MRPL50: variants seen among roughly 807,000 people sequenced by gnomAD.
MRPL50 encodes the protein mitochondrial ribosomal protein L50.
MRPL50 carries 10 observed loss-of-function variants against 16.2 expected under a neutral mutation model. That is an observed-to-expected ratio of 0.62 (90% confidence interval 0.38 to 1.05). The LOEUF is 1.05. Among genes scored for constraint, MRPL50 ranks in the 50% least tolerant of loss-of-function variants. The pLI is 0.01. For synonymous variants in MRPL50, 68 were observed against 66.8 expected (o/e 1.02, Z -0.09); for missense variants, 213 against 187.1 (o/e 1.14, Z -0.81).
In MRPL50 at chr9:101,390,814, T is replaced by A; in HGVS notation, c.129A>T (p.Glu43Asp). The A allele has an allele frequency of 6.2e-7, 1 of 1,608,138 alleles. No individual in the cohort carries two copies. Among genetic ancestry groups the A allele is most frequent in the East Asian group, 2.2e-5 (1 of 44,840 alleles). ...ACACTAGGATAGGTTCCTTTTTCTCTTCTACTGTCTCAACAACCACTGGCT... is the reference window on the plus strand; with the variant it reads ...ACACTAGGATAGGTTCCTTTTTCTCATCTACTGTCTCAACAACCACTGGCT... ...EKEPVVVETV[E>D]EKKEPILVCP... Residue 43 changes from glutamate to aspartate, a missense_variant, in exon 2 of 2, where the codon GAA becomes GAT. Glu to Asp is a conservative substitution (Grantham distance 45). Coordinates refer to ENST00000374865, the MANE Select transcript of MRPL50 (RefSeq NM_019051.3).
chr9:101,392,588 C>T (rs1446887585), intron 1 of MRPL50, among the ~76,000 whole-genome samples: 3 of 151,624 alleles, frequency 2.0e-5, no homozygotes, highest in Non-Finnish European at 4.4e-5. Flanking sequence ...GATTGAATCA[C>T]GAAGAAAAAG....
chr9:101,391,499 T>C (rs186844484), intron 1 of MRPL50, among the ~76,000 whole-genome samples: 1 of 152,178 alleles, frequency 6.6e-6, no homozygotes, highest in Admixed American at 6.6e-5. Flanking sequence ...GAAAAAGATA[T>C]TCCATGCAAA....
chr9:101,397,448 GTT>G (rs1830369621), intron 1 of MRPL50, among the ~76,000 whole-genome samples: 1 of 152,030 alleles, frequency 6.6e-6, no homozygotes, highest in Admixed American at 6.5e-5. Flanking sequence ...ATTTCCTCTA[GTT>G]TTCTTCATAA....
intron 1 of MRPL50, among the ~76,000 whole-genome samples, chr9:101,397,972 C>A (rs907234469): frequency 2.0e-5 from 3 of 152,170 alleles, no homozygotes; most frequent in African/African-American, 7.2e-5. Flanking sequence ...CTCCTGTGGG[C>A]CTGTTTCCTC....
chr9:101,396,219 A>G (rs1420186833), intron 1 of MRPL50, among the ~76,000 whole-genome samples: 5 of 152,212 alleles, frequency 3.3e-5, no homozygotes, highest in Non-Finnish European at 7.3e-5. Context: ...TGGCATAGCC[A>G]TTATAAAAAA....
rs1830251598 is a variant in MRPL50, at chr9:101,390,237, G to C, written c.*229C>G. ...CCTCTCAAAACTTTTCATAAATAAT[G>C]ACCTAATTTCATTTAAAAAATGGTT... On this transcript the variant is annotated 3_prime_UTR_variant, in exon 2 of 2. Coordinates refer to ENST00000374865, the MANE Select transcript of MRPL50 (RefSeq NM_019051.3). The C allele has an allele frequency of 8.1e-7, 1 of 1,230,726 alleles. No individual in the cohort carries two copies. Among genetic ancestry groups the C allele is most frequent in the East Asian group, 3.7e-5 (1 of 27,104 alleles). The allele number at this position is 1,230,726 out of a possible 1,614,324, so 76.2% of individuals were successfully genotyped here.
intron 1 of MRPL50, among the ~76,000 whole-genome samples, chr9:101,398,250 A>G (rs1830391485): frequency 6.6e-6 from 1 of 152,170 alleles, no homozygotes; most frequent in South Asian, 2.1e-4. Context: ...TAATAAATAA[A>G]TGAATGAGTG....
chr9:101,395,564 A>G (rs1362755356), intron 1 of MRPL50, among the ~76,000 whole-genome samples: 1 of 152,206 alleles, frequency 6.6e-6, no homozygotes, highest in Non-Finnish European at 1.5e-5. Context: ...ACATATACTC[A>G]ATGGAATATT....
chr9:101,398,407 G>A (rs749311193), intron 1 of MRPL50, 94 bp downstream of exon 1: 6 of 1,221,174 alleles, frequency 4.9e-6, no homozygotes, highest in Non-Finnish European at 7.1e-6. Flanking sequence ...GATCAGGCGC[G>A]GGACCACGAT....
rs1830242038 is a variant in MRPL50, at chr9:101,389,479, G to T, written c.*987C>A. ...CCAACTGAATTTTGCCCTCTTCAAAGGAGTAACCCTGGGAAAGAGAATAAA... is the reference window on the plus strand; with the variant it reads ...CCAACTGAATTTTGCCCTCTTCAAATGAGTAACCCTGGGAAAGAGAATAAA... On this transcript the variant is annotated 3_prime_UTR_variant, in exon 2 of 2. Coordinates refer to ENST00000374865, the MANE Select transcript of MRPL50 (RefSeq NM_019051.3). 3 of 1,286,516 alleles carry T rather than the reference G, an allele frequency of 2.3e-6. No homozygotes were observed. The African/African-American group carries it at 4.6e-5, about 20-fold the overall frequency. 79.7% of individuals were successfully genotyped at this position (1,286,516 alleles called of 1,614,324 possible). A position where few individuals can be genotyped will look rare whatever the true frequency, so the allele number is the denominator to read the frequency against.
At position 101,390,151 on chromosome 9, in the gene MRPL50, T is replaced by C. The variant is rs1020523428; in HGVS notation, c.*315A>G. 9.3e-7 allele frequency: 1 copy of C among 1,070,058 alleles called. No homozygotes were observed. The highest frequency in any genetic ancestry group is 1.1e-6 in the Non-Finnish European group (1 of 883,886). The allele number at this position is 1,070,058 out of a possible 1,614,324, so 66.3% of individuals were successfully genotyped here. A position where few individuals can be genotyped will look rare whatever the true frequency, so the allele number is the denominator to read the frequency against. The stretch of plus-strand genomic sequence containing the variant: ...TGAAAATACTTTCTTGCAACTACTT[T>C]ATGCTTATGAAAGGTGTGAACTTGC... On this transcript the variant is annotated 3_prime_UTR_variant, in exon 2 of 2. Transcript: ENST00000374865.
chr9:101,390,986 G>T (rs16920288), intron 1 of MRPL50, 136 bp from the exon 2 acceptor site: 52,576 of 939,208 alleles, frequency 0.056, 1,777 homozygotes, highest in African/African-American at 0.13. Context: ...AAAGAATATG[G>T]TAGGCCCCTG....
rs887355734 is a variant in MRPL50, at chr9:101,388,134, G to C, written c.*2332C>G. On this transcript the variant is annotated 3_prime_UTR_variant, in exon 2 of 2. Transcript: ENST00000374865. Reference sequence around the variant, plus strand: ...TAATCAGCTTTTGAAGCATGCAGAAGCTCAGGACCTACTCCAGACTTACCA... The same window carrying C: ...TAATCAGCTTTTGAAGCATGCAGAACCTCAGGACCTACTCCAGACTTACCA... 6 of 152,026 alleles carry C rather than the reference G, an allele frequency of 3.9e-5. No individual in the cohort carries two copies. The highest frequency in any genetic ancestry group is 1.4e-4 in the African/African-American group (6 of 41,384). The allele number at this position is 152,026 out of a possible 1,614,324, so 9.4% of individuals were successfully genotyped here.
At chr9:101,392,629 C>G (rs1486235827) in intron 1 of MRPL50, among the ~76,000 whole-genome samples, 1 of 151,954 alleles carries the variant, frequency 6.6e-6, no homozygotes, top group Non-Finnish European at 1.5e-5. Flanking sequence ...GAGAAAGAGG[C>G]TGTAATAAAA....
Position 101,390,405 on chromosome 9 carries a change from AT to A in MRPL50, c.*60del, listed in dbSNP as rs1379929973. ...ACATGGTAAAGTATCAAAAGATCTA[AT>A]GAGCAGCCCCCTTGCTCAGGGAAAG... is the stretch of plus-strand genomic sequence containing the variant. On this transcript the variant is annotated 3_prime_UTR_variant, in exon 2 of 2. Coordinates refer to ENST00000374865, the MANE Select transcript of MRPL50 (RefSeq NM_019051.3). 5 of 1,541,820 alleles carry A rather than the reference AT, an allele frequency of 3.2e-6. No individual in the cohort carries two copies. The Admixed American group carries it at 6.1e-5, about 19-fold the overall frequency.
Position 101,390,026 on chromosome 9 carries a change from C to T in MRPL50, c.*440G>A, listed in dbSNP as rs1830248697. ...TTAATCTAGAACTGTCAGTAATACACAACATACTTTTATGTTTCTTTTATA... is the reference window on the plus strand; with the variant it reads ...TTAATCTAGAACTGTCAGTAATACATAACATACTTTTATGTTTCTTTTATA... On this transcript the variant is annotated 3_prime_UTR_variant, in exon 2 of 2. Coordinates refer to ENST00000374865, the MANE Select transcript of MRPL50 (RefSeq NM_019051.3). 1 of 936,096 alleles carries T rather than the reference C, an allele frequency of 1.1e-6. No homozygotes were observed. The highest frequency in any genetic ancestry group is 1.3e-6 in the Non-Finnish European group (1 of 784,042). The allele number at this position is 936,096 out of a possible 1,614,324, so 58.0% of individuals were successfully genotyped here. A position where few individuals can be genotyped will look rare whatever the true frequency, so the allele number is the denominator to read the frequency against.
Position 101,390,390 on chromosome 9 carries a change from G to C in MRPL50, c.*76C>G. ...TTCTGGTAGTATTTCACATGGTAAA[G>C]TATCAAAAGATCTAATGAGCAGCCC... On this transcript the variant is annotated 3_prime_UTR_variant, in exon 2 of 2. Coordinates refer to ENST00000374865, the MANE Select transcript of MRPL50 (RefSeq NM_019051.3). 1 of 1,529,090 alleles carries C rather than the reference G, an allele frequency of 6.5e-7. No individual in the cohort carries two copies. The highest frequency in any genetic ancestry group is 1.3e-5 in the South Asian group (1 of 75,112). 94.7% of individuals were successfully genotyped at this position (1,529,090 alleles called of 1,614,324 possible). A position where few individuals can be genotyped will look rare whatever the true frequency, so the allele number is the denominator to read the frequency against.
chr9:101,392,398 G>A (rs1304271576), intron 1 of MRPL50, among the ~76,000 whole-genome samples: 1 of 151,670 alleles, frequency 6.6e-6, no homozygotes, highest in Non-Finnish European at 1.5e-5. Flanking sequence ...CAAACCTTTA[G>A]CTAGACTAAA....
chr9:101,395,934 G>T (rs1830334071), intron 1 of MRPL50, among the ~76,000 whole-genome samples: 2 of 152,168 alleles, frequency 1.3e-5, no homozygotes, highest in African/African-American at 4.8e-5. Context: ...AAAATAGCTA[G>T]AAGTGAAGAT....
Sources: gnomAD v4.1 joint callset for allele counts (sites outside exome capture counted in the v4.1 genomes callset) on GRCh38, gnomAD v4.1.1 for gene constraint, MANE v1.5 for transcripts, NCBI Gene and HGNC (gene_info 2026-07-23, HGNC 2026-07-21) for gene names.